The following SENP5 variants were observed in gnomAD, a reference collection of about 807,000 sequenced individuals.
The protein encoded by SENP5 is sentrin-specific protease 5.
A neutral mutation model predicts 74.2 loss-of-function variants in SENP5; 21 were observed. The ratio of observed to expected loss-of-function variants is 0.28; its 90% CI spans 0.20 to 0.41. The LOEUF (loss-of-function observed/expected upper bound fraction) is 0.41, where lower values mean the gene tolerates loss of function less well. SENP5 is among the 10% of genes least tolerant of loss of function. SENP5 has a pLI of 1.00. For synonymous variants in SENP5, 311 were observed against 312.7 expected (o/e 0.99, Z 0.06); for missense variants, 717 against 889.1 (o/e 0.81, Z 2.46).
intron 6 of SENP5, among the ~76,000 whole-genome samples, chr3:196,922,312 C>T (rs1443339782): frequency 1.3e-5 from 2 of 152,166 alleles, no homozygotes; most frequent in Non-Finnish European, 2.9e-5. Flanking sequence ...GTGACTAATA[C>T]GTGGAAGAGC....
rs77458510 is a variant in SENP5 at position 196,902,998 on chromosome 3, C to T, written c.1807-535C>T. On this transcript the variant is annotated intron_variant, in intron 5 of 9. Coordinates refer to ENST00000323460, the MANE Select transcript of SENP5 (RefSeq NM_152699.5). ...AGAGATTTGTCAGGTTGCTTCTCTA[C>T]TTGATTGGATTCAGGTAGTCTATTT... 1.2e-3 allele frequency among the ~76,000 whole-genome samples: 189 copies of T among 152,276 alleles called. 7 individuals are homozygous for T. The East Asian group carries it at 0.03, about 25-fold the overall frequency.
At chr3:196,907,893 TAAAA>T (rs35164215) in intron 6 of SENP5, among the ~76,000 whole-genome samples, 41,362 of 144,244 alleles carry the variant, frequency 0.29, 5,836 homozygotes, top group African/African-American at 0.31. Context: ...TTGGGTTAAG[TAAAA>T]AAAAAAAAAA....
Position 196,886,337 on chromosome 3 carries a change from T to C in SENP5, c.1156T>C (p.Phe386Leu), listed in dbSNP as rs768682349. The C allele has an allele frequency of 1.3e-5, 21 of 1,613,722 alleles. No homozygotes were observed. The highest frequency in any genetic ancestry group is 1.7e-5 in the Non-Finnish European group (20 of 1,179,912). ...ACCAGAACATCGTTCTAATACCATG[T>C]TCATTTCAGAAACTGAAAGAGAAAT... ...PLPEHRSNTM[F>L]ISETEREIMT... The change falls in exon 2 of 10, where the codon TTC (phenylalanine) becomes CTC (leucine). Residue 386 changes from phenylalanine to leucine, a missense_variant. By Grantham distance (22) the Phe-to-Leu change is conservative (BLOSUM62 0). Coordinates refer to ENST00000323460, the MANE Select transcript of SENP5 (RefSeq NM_152699.5).
chr3:196,927,752 A>G (rs767883412), intron 7 of SENP5, 44 bp from the exon 8 acceptor site: 10 of 1,204,794 alleles, frequency 8.3e-6, no homozygotes, highest in South Asian at 3.8e-5. Context: ...TTTTTCACCA[A>G]CTGATGGAAC....
intron 7 of SENP5, among the ~76,000 whole-genome samples, chr3:196,923,962 A>G (rs890526728): frequency 1.7e-4 from 26 of 152,238 alleles, no homozygotes; most frequent in African/African-American, 5.8e-4. Context: ...AATCAAGAAA[A>G]ATGAGTAGGT....
intron 6 of SENP5, chr3:196,913,055 C>T (rs1368959072): frequency 1.3e-5 from 2 of 152,072 alleles, no homozygotes. Flanking sequence ...CACCAAAGCA[C>T]ACAGTTGCTA....
At chr3:196,901,007 A>G (rs186132558) in intron 5 of SENP5, among the ~76,000 whole-genome samples, 1 of 151,808 alleles carries the variant, frequency 6.6e-6, no homozygotes, top group Admixed American at 6.6e-5. Context: ...GAGATGTGCA[A>G]AAGGGACTGG....
chr3:196,895,139 A>G (rs13326047), intron 2 of SENP5, among the ~76,000 whole-genome samples: 29,433 of 151,876 alleles, frequency 0.19, 3,785 homozygotes, highest in South Asian at 0.37. Context: ...AGTTGCATCA[A>G]ACGAAAACTG....
Position 196,916,143 on chromosome 3 carries a change from G to A in SENP5, c.1885-7271G>A, listed in dbSNP as rs146718591. The stretch of plus-strand genomic sequence containing the variant: ...AGTTCCAGACCAGCCTGGCCAACAT[G>A]GTAAAACCCTTTCTCTACTAAAAAT... On this transcript the variant is annotated intron_variant, in intron 6 of 9. Coordinates refer to ENST00000323460, the MANE Select transcript of SENP5 (RefSeq NM_152699.5). Among the ~76,000 whole-genome samples, 773 of 152,026 alleles carry A rather than the reference G, an allele frequency of 5.1e-3. 5 individuals are homozygous for A. Among genetic ancestry groups the A allele is most frequent in the African/African-American group, 0.017 (701 of 41,470 alleles).
chr3:196,893,637 C>T lies in SENP5; in HGVS notation c.1514-6029C>T, dbSNP rs535215993. Among the ~76,000 whole-genome samples the T allele has an allele frequency of 5.9e-5, 9 of 152,156 alleles. No individual in the cohort carries two copies. In the East Asian group the frequency reaches 7.7e-4, roughly 13 times the overall value. On this transcript the variant is annotated intron_variant, in intron 2 of 9. Coordinates refer to ENST00000323460, the MANE Select transcript of SENP5 (RefSeq NM_152699.5). The stretch of plus-strand genomic sequence containing the variant: ...AAGAAGAGTAAGTTTAGGCCGGGCG[C>T]GGTGGCTCATGCCTGTAATCCCAGC...
chr3:196,902,679 T>TG (rs772403979), intron 5 of SENP5, among the ~76,000 whole-genome samples: 1 of 152,220 alleles, frequency 6.6e-6, no homozygotes, highest in Non-Finnish European at 1.5e-5. Context: ...AGTTACTGAA[T>TG]GAGCACTTTA....
chr3:196,925,368 G>A (rs779077269), intron 7 of SENP5, among the ~76,000 whole-genome samples: 5 of 152,144 alleles, frequency 3.3e-5, no homozygotes, highest in Non-Finnish European at 7.3e-5. Context: ...AGATGTGAGC[G>A]TCTTTTCCAG....
chr3:196,895,712 C>T lies in SENP5; in HGVS notation c.1514-3954C>T, dbSNP rs116992606. Among the ~76,000 whole-genome samples, 197 of 152,054 alleles carry T rather than the reference C, an allele frequency of 1.3e-3. 6 individuals are homozygous for T. The East Asian group carries it at 0.03, about 23-fold the overall frequency. ...AATTTTTGTATTTTTTGTAGAGAAG[C>T]GGTCTCACTTTGTTGCCCAGACTGG... On this transcript the variant is annotated intron_variant, in intron 2 of 9. Transcript: ENST00000323460.
intron 1 of SENP5, among the ~76,000 whole-genome samples, chr3:196,871,841 T>G (rs1361674967): frequency 7.1e-6 from 1 of 141,394 alleles, no homozygotes. Flanking sequence ...GGTGACACAG[T>G]GAGACTCCAT....
At chr3:196,868,870 G>A (rs1269152312) in intron 1 of SENP5, among the ~76,000 whole-genome samples, 2 of 62,908 alleles carry the variant, frequency 3.2e-5, no homozygotes, top group African/African-American at 1.4e-4. Context: ...TTCATGATAG[G>A]TTCCTACTTA....
intron 6 of SENP5, chr3:196,905,052 A>T (rs1281112367): frequency 6.6e-6 from 1 of 151,970 alleles, no homozygotes; most frequent in East Asian, 1.9e-4. Context: ...GTCACCTGCC[A>T]CCGTACCCGG....
chr3:196,902,669 A>G (rs527674966), intron 5 of SENP5, among the ~76,000 whole-genome samples: 14 of 152,316 alleles, frequency 9.2e-5, no homozygotes, highest in Admixed American at 2.6e-4. Context: ...TATCACCTCA[A>G]GTTACTGAAT....
intron 1 of SENP5, among the ~76,000 whole-genome samples, chr3:196,884,550 A>C (rs994705477): frequency 6.6e-6 from 1 of 152,246 alleles, no homozygotes; most frequent in African/African-American, 2.4e-5. Context: ...CAGTTTACTC[A>C]GAAGTGCTGT....
rs905461587 is a variant in SENP5 at position 196,877,167 on chromosome 3, A to AT, written c.-31-7976dup. Among the ~76,000 whole-genome samples the AT allele has an allele frequency of 9.2e-5, 14 of 151,790 alleles. 1 individual carries two copies. The highest frequency in any genetic ancestry group is 7.2e-4 in the Admixed American group (11 of 15,218). On this transcript the variant is annotated intron_variant, in intron 1 of 9. Coordinates refer to ENST00000323460, the MANE Select transcript of SENP5 (RefSeq NM_152699.5). The stretch of plus-strand genomic sequence containing the variant: ...AGACCCCATCTTACTACCTTATTTT[A>AT]TTTTTTTTAATTTTTAATTTTAAAT...
Sources: allele counts gnomAD v4.1 joint callset (sites outside exome capture counted in the v4.1 genomes callset), GRCh38; gene constraint gnomAD v4.1.1; transcripts MANE v1.5; gene names NCBI Gene and HGNC (gene_info 2026-07-23, HGNC 2026-07-21).